The following APOOL variants were observed in gnomAD, a reference collection of about 807,000 sequenced individuals.
APOOL encodes apolipoprotein O like.
Under a neutral mutation model 23.1 loss-of-function variants are expected in APOOL, and 12 were observed. The observed-to-expected ratio is 0.52, with a 90% CI of 0.33 to 0.84. The LOEUF is 0.84. Among genes scored for constraint, APOOL ranks in the 40% least tolerant of loss-of-function variants. The pLI, the probability that APOOL is intolerant of heterozygous loss-of-function variation, is 0.02. For synonymous variants in APOOL, 77 were observed against 69.9 expected, an observed-to-expected ratio of 1.10 and a Z score of -0.51; for missense variants, 212 against 199.6, an observed-to-expected ratio of 1.06 and a Z score of -0.37.
At chrX:85,058,319 C>T (rs1187657896) in intron 5 of APOOL, among the ~76,000 whole-genome samples, 1 of 110,527 alleles carries the variant, frequency 9.0e-6, no homozygotes, top group Non-Finnish European at 1.9e-5. Flanking sequence ...TGAGAATGTG[C>T]AGTGTTTGGT....
intron 8 of APOOL, among the ~76,000 whole-genome samples, chrX:85,075,399 A>G (rs1474321120): frequency 2.7e-5 from 3 of 111,388 alleles, no homozygotes; most frequent in Non-Finnish European, 3.8e-5. Flanking sequence ...CTTGACATCA[A>G]AGTCTAAGTT....
Position 85,064,339 on chromosome X carries a change from G to A in APOOL, c.395-2788G>A, listed in dbSNP as rs373227953. Among the ~76,000 whole-genome samples the A allele has an allele frequency of 1.1e-4, 11 of 97,398 alleles. No homozygotes were observed. In the East Asian group the frequency reaches 2.0e-3, roughly 18 times the overall value. 84.6% of individuals were successfully genotyped at this position (97,398 alleles called of 115,157 possible). A position where few individuals can be genotyped will look rare whatever the true frequency, so the allele number is the denominator to read the frequency against. On this transcript the variant is annotated intron_variant, in intron 5 of 8. Transcript: ENST00000373173. ...GTTTTTTTCAAAAAAACAGCTCCTGGATTTTTTTTTTTTTTTTGAGGGGAT... is the reference window on the plus strand; with the variant it reads ...GTTTTTTTCAAAAAAACAGCTCCTGAATTTTTTTTTTTTTTTTGAGGGGAT...
chrX:85,068,648 C>T (rs1923557936), intron 6 of APOOL, among the ~76,000 whole-genome samples: 1 of 110,688 alleles, frequency 9.0e-6, no homozygotes, highest in Admixed American at 9.7e-5. Flanking sequence ...TCAGGTGATC[C>T]ATCCGCCTCG....
chrX:85,017,516 C>T (rs969387725), intron 1 of APOOL, among the ~76,000 whole-genome samples: 1 of 111,553 alleles, frequency 9.0e-6, no homozygotes, highest in Non-Finnish European at 1.9e-5. Flanking sequence ...TGCAGCAGTT[C>T]CCGTTCACAC....
chrX:85,071,441 A>AT lies in APOOL; in HGVS notation c.487-2547dup, dbSNP rs769108928. 5.1e-4 allele frequency among the ~76,000 whole-genome samples: 55 copies of AT among 108,345 alleles called. No individual in the cohort carries two copies. The East Asian group carries it at 0.013, about 26-fold the overall frequency. The allele number at this position is 108,345 out of a possible 115,157, so 94.1% of individuals were successfully genotyped here. A position where few individuals can be genotyped will look rare whatever the true frequency, so the allele number is the denominator to read the frequency against. ...GATCAGTGTGTAATGGAAAGGATGG[A>AT]TTTTTTTTTTCCAAGAAATATGTTG... On this transcript the variant is annotated intron_variant, in intron 6 of 8. Coordinates refer to ENST00000373173, the MANE Select transcript of APOOL (RefSeq NM_198450.6).
chrX:85,028,835 C>T (rs759183538), intron 1 of APOOL, among the ~76,000 whole-genome samples: 2 of 111,308 alleles, frequency 1.8e-5, no homozygotes, highest in Non-Finnish European at 3.8e-5. Context: ...ATAATGACCT[C>T]CAGTTTCATC....
chrX:85,017,242 T>C (rs992874861), intron 1 of APOOL, among the ~76,000 whole-genome samples: 2 of 111,174 alleles, frequency 1.8e-5, no homozygotes, highest in Non-Finnish European at 3.8e-5. Flanking sequence ...CAGAGGGGAT[T>C]ATGGCTGCCT....
chrX:85,083,630 A>T (rs2055720526), intron 8 of APOOL, among the ~76,000 whole-genome samples: 1 of 111,957 alleles, frequency 8.9e-6, no homozygotes, highest in Admixed American at 9.5e-5. Context: ...TAAGTATTTG[A>T]GTTGCTAAGA....
chrX:85,049,631 C>G (rs1007453599), intron 2 of APOOL, among the ~76,000 whole-genome samples: 3 of 110,134 alleles, frequency 2.7e-5, no homozygotes, highest in Admixed American at 9.7e-5. Context: ...AAAAAAAATA[C>G]AAAAATTAGC....
intron 4 of APOOL, among the ~76,000 whole-genome samples, 165 bp downstream of exon 4, chrX:85,054,563 T>C: frequency 9.0e-6 from 1 of 111,674 alleles, no homozygotes; most frequent in East Asian, 2.8e-4. Context: ...TTGTTGATTA[T>C]TGATTAATAG....
chrX:85,004,827 G>A (rs760714152), intron 1 of APOOL, among the ~76,000 whole-genome samples: 1 of 111,003 alleles, frequency 9.0e-6, no homozygotes, highest in East Asian at 2.9e-4. Flanking sequence ...AAAATTTTAT[G>A]GGCATGTCAT....
chrX:85,004,759 G>T (rs1228124127), intron 1 of APOOL, among the ~76,000 whole-genome samples: 2 of 111,453 alleles, frequency 1.8e-5, no homozygotes, highest in Non-Finnish European at 3.8e-5. Context: ...TTTCCTCTGT[G>T]TTGCCAGAGT....
rs371389680 is a variant in APOOL, at chrX:85,088,126, A to G, written c.*448A>G. On this transcript the variant is annotated 3_prime_UTR_variant, in exon 9 of 9. Transcript: ENST00000373173. The stretch of plus-strand genomic sequence containing the variant: ...TATTTATACATATATGTATAAATAC[A>G]TACATATTTATACATATATGTATAA... The G allele has an allele frequency of 1.1e-3, 3 of 2,622 alleles. No individual in the cohort carries two copies. The highest frequency in any genetic ancestry group is 4.0e-3 in the African/African-American group (2 of 505). 0.2% of individuals were successfully genotyped at this position (2,622 alleles called of 1,213,427 possible).
intron 1 of APOOL, among the ~76,000 whole-genome samples, chrX:85,025,652 A>G (rs1001143026): frequency 8.9e-6 from 1 of 111,960 alleles, no homozygotes; most frequent in Non-Finnish European, 1.9e-5. Flanking sequence ...TGTACATTCA[A>G]CACCCAGCAG....
In APOOL at chrX:85,073,175, A is replaced by T. The variant is rs979278279; in HGVS notation, c.487-823A>T. Among the ~76,000 whole-genome samples the T allele has an allele frequency of 5.4e-5, 6 of 111,460 alleles. No homozygotes were observed. The Admixed American group carries it at 5.8e-4, about 11-fold the overall frequency. ...GTATATACTTAGTAAAAACAATAAA[A>T]ATATTTCTATTTGAGGATGGAAACA... On this transcript the variant is annotated intron_variant, in intron 6 of 8. Coordinates refer to ENST00000373173, the MANE Select transcript of APOOL (RefSeq NM_198450.6).
chrX:85,017,519 G>A (rs375608072), intron 1 of APOOL, among the ~76,000 whole-genome samples: 10 of 111,384 alleles, frequency 9.0e-5, no homozygotes, highest in South Asian at 7.6e-4. Context: ...AGCAGTTCCC[G>A]TTCACACCCC....
intron 1 of APOOL, among the ~76,000 whole-genome samples, chrX:85,040,597 C>T (rs1386949712): frequency 9.0e-6 from 1 of 111,077 alleles, no homozygotes; most frequent in Non-Finnish European, 1.9e-5. Flanking sequence ...CTTTTTTATT[C>T]TCTTTGTTTT....
At chrX:85,016,964 A>G (rs1284397970) in intron 1 of APOOL, among the ~76,000 whole-genome samples, 1 of 112,463 alleles carries the variant, frequency 8.9e-6, no homozygotes, top group Non-Finnish European at 1.9e-5. Context: ...CATTCAAGAT[A>G]ACACCAGCTG....
chrX:85,071,399 G>A (rs1923659596), intron 6 of APOOL, among the ~76,000 whole-genome samples: 1 of 110,578 alleles, frequency 9.0e-6, no homozygotes, highest in Non-Finnish European at 1.9e-5. Context: ...TTGATACGTG[G>A]TACAGGTGGC....
Sources: gnomAD v4.1 joint callset for allele counts (sites outside exome capture counted in the v4.1 genomes callset) on GRCh38, gnomAD v4.1.1 for gene constraint, MANE v1.5 for transcripts, NCBI Gene and HGNC (gene_info 2026-07-23, HGNC 2026-07-21) for gene names.